SORBS2: variants seen among roughly 807,000 people sequenced by gnomAD.
SORBS2 encodes sorbin and SH3 domain containing 2, also known as sorbin and SH3 domain-containing protein 2.
SORBS2 carries 46 observed loss-of-function variants against 97.7 expected under a neutral mutation model. The observed-to-expected ratio is 0.47, with a 90% confidence interval of 0.37 to 0.60. The LOEUF (loss-of-function observed/expected upper bound fraction) is 0.60. Among genes scored for constraint, SORBS2 ranks in the 20% least tolerant of loss-of-function variants. The probability of loss-of-function intolerance (pLI) is 0.00; values close to 1 mark genes in which losing one functional copy is unlikely to be tolerated. For synonymous variants in SORBS2, 476 were observed against 473.4 expected (o/e 1.01, Z -0.07); for missense variants, 1,316 against 1,282.3 (o/e 1.03, Z -0.40).
chr4:185,792,302 T>C (rs2099083750), intron 1 of SORBS2, among the ~76,000 whole-genome samples: 1 of 152,164 alleles, frequency 6.6e-6, no homozygotes, highest in Non-Finnish European at 1.5e-5. Context: ...GAAACCAGCC[T>C]GGCCAATATG....
At chr4:185,893,696 T>C (rs2099243595) in intron 1 of SORBS2, among the ~76,000 whole-genome samples, 1 of 152,176 alleles carries the variant, frequency 6.6e-6, no homozygotes, top group Admixed American at 6.5e-5. Context: ...TTTTAGACTA[T>C]CTTCCATTCC....
intron 1 of SORBS2, among the ~76,000 whole-genome samples, chr4:185,794,488 C>T (rs2099096169): frequency 6.6e-6 from 1 of 152,206 alleles, no homozygotes; most frequent in African/African-American, 2.4e-5. Flanking sequence ...TGTCTTCAAG[C>T]ATTGTCCTGG....
rs191064982 is a variant in SORBS2 at position 185,776,104 on chromosome 4, C to T, written c.-337-738G>A. Among the ~76,000 whole-genome samples, 132 of 150,280 alleles carry T rather than the reference C, an allele frequency of 8.8e-4. 5 individuals carry two copies. In the East Asian group the frequency reaches 0.024, roughly 28 times the overall value. On this transcript the variant is annotated intron_variant, in intron 1 of 20. Transcript: ENST00000284776. Reference sequence around the variant, plus strand: ...TTTCTAGAAATAAAAATTAAGAAGTCGTATTCATTCATTCATTCAGCAAAT... The same window carrying T: ...TTTCTAGAAATAAAAATTAAGAAGTTGTATTCATTCATTCATTCAGCAAAT...
In SORBS2 at chr4:185,750,604, G is replaced by A. The variant is rs116928887; in HGVS notation, c.-198+24623C>T. On this transcript the variant is annotated intron_variant, in intron 2 of 20. Coordinates refer to the SORBS2 transcript ENST00000284776. ...CTTGCTGAAGTTTATTGATTAAGCT[G>A]GCTAATACACTCCTTACACAGTTAT... Among the ~76,000 whole-genome samples the A allele has an allele frequency of 1.2e-3, 180 of 152,216 alleles. 7 individuals carry two copies. In the East Asian group the frequency reaches 0.028, roughly 24 times the overall value.
intron 1 of SORBS2, 140 bp from the exon 2 acceptor site, chr4:185,775,506 C>T (rs147153446): frequency 2.0e-5 from 3 of 152,266 alleles, no homozygotes; most frequent in East Asian, 3.9e-4. Flanking sequence ...GATGAAAATG[C>T]CTTGCCCAGA....
intron 2 of SORBS2, among the ~76,000 whole-genome samples, chr4:185,742,701 T>G (rs1173719512): frequency 6.6e-6 from 1 of 152,194 alleles, no homozygotes; most frequent in Non-Finnish European, 1.5e-5. Context: ...GAGGTGAGAA[T>G]CATAAATAAA....
intron 2 of SORBS2, among the ~76,000 whole-genome samples, chr4:185,700,504 G>GTATAT (rs2098245599): frequency 6.6e-6 from 1 of 152,034 alleles, no homozygotes; most frequent in Admixed American, 6.6e-5. Context: ...GGCCCTTAGG[G>GTATAT]TTAATGCTCT....
At chr4:185,661,799 T>C (rs1582109519), upstream of SORBS2, among the ~76,000 whole-genome samples, 1 of 152,328 alleles carries the variant, frequency 6.6e-6, no homozygotes, top group Middle Eastern at 3.4e-3. Flanking sequence ...GTGGAAAACC[T>C]GCATTCATGT....
intron 1 of SORBS2, among the ~76,000 whole-genome samples, chr4:185,781,247 T>C (rs1427242755): frequency 6.6e-6 from 1 of 152,232 alleles, no homozygotes; most frequent in African/African-American, 2.4e-5. Flanking sequence ...TGAAACTTTG[T>C]TTTAAACTGG....
chr4:185,828,284 G>A (rs2099203065), intron 1 of SORBS2, among the ~76,000 whole-genome samples: 1 of 152,116 alleles, frequency 6.6e-6, no homozygotes, highest in South Asian at 2.1e-4. Flanking sequence ...GACCTTGGGA[G>A]CCCTGCATCC....
intron 4 of SORBS2, among the ~76,000 whole-genome samples, chr4:185,665,504 C>T (rs1352008975): frequency 6.6e-6 from 1 of 152,202 alleles, no homozygotes; most frequent in East Asian, 1.9e-4. Context: ...CCGTAAGTAA[C>T]TATTTTAGAG....
chr4:185,730,310 CTTTT>C (rs67749971), intron 2 of SORBS2, among the ~76,000 whole-genome samples: 147 of 125,274 alleles, frequency 1.2e-3, no homozygotes, highest in Middle Eastern at 4.2e-3. Context: ...AATATACTTT[CTTTT>C]TTTTTTTTTT....
At chr4:185,757,106 A>G in intron 2 of SORBS2, 2 of 560,474 alleles carry the variant, frequency 3.6e-6, no homozygotes, top group South Asian at 3.3e-5. Flanking sequence ...TGCGTGGAAA[A>G]GCAGGAAGCA....
intron 1 of SORBS2, among the ~76,000 whole-genome samples, chr4:185,949,038 C>G (rs1231979763): frequency 2.6e-5 from 4 of 151,592 alleles, no homozygotes; most frequent in Non-Finnish European, 5.9e-5. Context: ...AACAGGTGCT[C>G]TTTATCTATG....
intron 2 of SORBS2, among the ~76,000 whole-genome samples, chr4:185,742,607 T>C (rs1343779021): frequency 6.6e-6 from 1 of 152,182 alleles, no homozygotes; most frequent in African/African-American, 2.4e-5. Flanking sequence ...TCATAGAGCC[T>C]TTGACACAGT....
intron 1 of SORBS2, among the ~76,000 whole-genome samples, chr4:185,944,496 A>G (rs978315853): frequency 2.0e-5 from 3 of 152,240 alleles, no homozygotes; most frequent in Non-Finnish European, 4.4e-5. Context: ...CTATAAAGAC[A>G]CAACACATCT....
intron 2 of SORBS2, among the ~76,000 whole-genome samples, chr4:185,750,471 A>T (rs1399919684): frequency 6.6e-6 from 1 of 152,226 alleles, no homozygotes; most frequent in Non-Finnish European, 1.5e-5. Flanking sequence ...CCATCAGAGT[A>T]TAACAGCTAA....
intron 1 of SORBS2, among the ~76,000 whole-genome samples, chr4:185,860,223 G>T (rs189229585): frequency 2.2e-4 from 33 of 152,328 alleles, no homozygotes; most frequent in African/African-American, 7.5e-4. Flanking sequence ...AAGTCTCAAA[G>T]ACTGCACCAG....
chr4:185,742,733 A>C (rs1358317105), intron 2 of SORBS2, among the ~76,000 whole-genome samples: 3 of 152,260 alleles, frequency 2.0e-5, no homozygotes, highest in South Asian at 2.1e-4. Context: ...TATAGTGAAA[A>C]GGAGAGAAAA....
Sources: gnomAD v4.1 joint callset for allele counts (sites outside exome capture counted in the v4.1 genomes callset) on GRCh38, gnomAD v4.1.1 for gene constraint, MANE v1.5 for transcripts, NCBI Gene and HGNC (gene_info 2026-07-23, HGNC 2026-07-21) for gene names.